VWF: variants seen among roughly 807,000 people sequenced by gnomAD.
VWF encodes von Willebrand factor, also known as Factor VIII related antigen.
Under a neutral mutation model 308.6 loss-of-function variants are expected in VWF, and 176 were observed. The ratio of observed to expected loss-of-function variants is 0.57; its 90% CI spans 0.50 to 0.65. The LOEUF (loss-of-function observed/expected upper bound fraction) is 0.65. VWF is among the 30% of genes least tolerant of loss of function. The pLI, the probability that VWF is intolerant of heterozygous loss-of-function variation, is 0.00. For synonymous variants in VWF, 1,385 were observed against 1,443.4 expected (o/e 0.96, Z 0.92); for missense variants, 3,146 against 3,648.2 (o/e 0.86, Z 3.55).
Position 6,058,144 on chromosome 12 carries a change from C to CG in VWF, c.1534-101dup, listed in dbSNP as rs1944611306. ...TTTTAATAAAAAAAAAAAAGTTCCC[C>CG]GGGTGAAACATAAATATGAATGTAA... On this transcript the variant is annotated intron_variant, in intron 13 of 51. Coordinates refer to ENST00000261405, the MANE Select transcript of VWF (RefSeq NM_000552.5). The surrounding 1 kb of genome is among the most constrained non-coding windows in gnomAD (Gnocchi z 4.9). The CG allele has an allele frequency of 3.1e-6, 4 of 1,278,242 alleles. No individual in the cohort carries two copies. The highest frequency in any genetic ancestry group is 1.5e-5 in the African/African-American group (1 of 65,920). 79.2% of individuals were successfully genotyped at this position (1,278,242 alleles called of 1,614,324 possible). A position where few individuals can be genotyped will look rare whatever the true frequency, so the allele number is the denominator to read the frequency against.
rs73266887 is a variant in VWF, at chr12:6,119,986, G to C, written c.220+1188C>G. On this transcript the variant is annotated intron_variant, in intron 3 of 51. Transcript: ENST00000261405. ...GTGGGAAGGATGGCAGTGCCCAGAA[G>C]TCATATGTGATAAGTTTCCCAGCAG... Among the ~76,000 whole-genome samples the C allele has an allele frequency of 7.2e-3, 1,097 of 152,346 alleles. 13 individuals are homozygous for C. The highest frequency in any genetic ancestry group is 0.024 in the African/African-American group (988 of 41,564).
In VWF at chr12:5,994,295, C is replaced by T. The variant is rs1943782130; in HGVS notation, c.6257-92G>A. The T allele has an allele frequency of 5.7e-6, 9 of 1,590,244 alleles. 1 individual carries two copies. Among genetic ancestry groups the T allele is most frequent in the Middle Eastern group, 1.7e-4 (1 of 6,030 alleles). Reference sequence around the variant, plus strand: ...GAGACAGGCCATTCTTGATCCTCACCAGAATCTGACCCTCGCTACTAGACC... The same window carrying T: ...GAGACAGGCCATTCTTGATCCTCACTAGAATCTGACCCTCGCTACTAGACC... On this transcript the variant is annotated intron_variant, in intron 36 of 51. Transcript: ENST00000261405.
intron 5 of VWF, among the ~76,000 whole-genome samples, chr12:6,100,635 T>A (rs376576977): frequency 6.6e-6 from 1 of 151,790 alleles, no homozygotes; most frequent in Non-Finnish European, 1.5e-5. Flanking sequence ...AGTAAACTAT[T>A]GCAAGGACAA....
chr12:6,096,977 A>G (rs1405195002), intron 5 of VWF, among the ~76,000 whole-genome samples: 1 of 151,968 alleles, frequency 6.6e-6, no homozygotes, highest in Middle Eastern at 3.2e-3. Context: ...TTTGATAGGC[A>G]GAAAAAGATC....
At chr12:6,108,980 CAA>C (rs748182676) in intron 5 of VWF, among the ~76,000 whole-genome samples, 11 of 63,842 alleles carry the variant, frequency 1.7e-4, no homozygotes, top group Admixed American at 3.5e-4. Context: ...GACTCCGTCT[CAA>C]AAAAAAAAAA....
intron 22 of VWF, among the ~76,000 whole-genome samples, chr12:6,026,693 G>C (rs375804033): frequency 6.6e-6 from 1 of 152,156 alleles, no homozygotes; most frequent in Non-Finnish European, 1.5e-5. Context: ...TCTAGTGTTC[G>C]GTAGCACCAC....
At chr12:6,086,054 T>TGC (rs1944968600) in intron 6 of VWF, among the ~76,000 whole-genome samples, 1 of 152,166 alleles carries the variant, frequency 6.6e-6, no homozygotes, top group Non-Finnish European at 1.5e-5. Flanking sequence ...TCTCCCATCC[T>TGC]GCACTCAGGT....
chr12:6,095,538 C>T lies in VWF; in HGVS notation c.579G>A (p.Leu193=). The T allele has an allele frequency of 6.2e-7, 1 of 1,614,162 alleles. No homozygotes were observed. Among genetic ancestry groups the T allele is most frequent in the Non-Finnish European group, 8.5e-7 (1 of 1,180,022 alleles). The change falls in exon 6 of 52, where the codon CTG becomes CTA. Residue 193 remains leucine, a synonymous_variant. Coordinates refer to ENST00000261405, the MANE Select transcript of VWF (RefSeq NM_000552.5). ...DPYDFANSWA[L]SSGEQWCERA... is the part of the protein sequence containing the mutation. The stretch of plus-strand genomic sequence containing the variant: ...GTTCACACCACTGTTCTCCACTGCT[C>T]AGAGCCCATGAGTTGGCAAAGTCAT...
intron 34 of VWF, among the ~76,000 whole-genome samples, chr12:6,000,634 C>A (rs570539934): frequency 2.0e-5 from 3 of 151,136 alleles, no homozygotes; most frequent in Non-Finnish European, 4.4e-5. Flanking sequence ...GGTGAAACCC[C>A]GTCTCTACAA....
At position 5,951,448 on chromosome 12, in the gene VWF, A is replaced by G. The variant is rs550632373; in HGVS notation, c.8155+396T>C. On this transcript the variant is annotated intron_variant, in intron 50 of 51. Transcript: ENST00000261405. ...GTTGAGAGTCTACTCTGTCAGGATC[A>G]TAGATCCAAGGTGCCTGTCTTCAAG... is the stretch of plus-strand genomic sequence containing the variant. 8.5e-5 allele frequency among the ~76,000 whole-genome samples: 13 copies of G among 152,348 alleles called. No homozygotes were observed. The South Asian group carries it at 2.7e-3, about 32-fold the overall frequency.
At chr12:5,968,478 C>T (rs543427954) in intron 45 of VWF, among the ~76,000 whole-genome samples, 4 of 152,216 alleles carry the variant, frequency 2.6e-5, no homozygotes, top group African/African-American at 4.8e-5. Flanking sequence ...AACAATGAAA[C>T]GCTACTCTTG....
Position 6,095,547 on chromosome 12 carries a change from T to C in VWF, c.570A>G (p.Ser190=), listed in dbSNP as rs770301728. 13 of 1,613,904 alleles carry C rather than the reference T, an allele frequency of 8.1e-6. No individual in the cohort carries two copies. Among genetic ancestry groups the C allele is most frequent in the Middle Eastern group, 1.6e-4 (1 of 6,084 alleles). The change falls in exon 6 of 52, where the codon TCA becomes TCG. Residue 190 remains serine, a synonymous_variant. Coordinates refer to ENST00000261405, the MANE Select transcript of VWF (RefSeq NM_000552.5). ...ACTGTTCTCCACTGCTCAGAGCCCA[T>C]GAGTTGGCAAAGTCATAAGGGTCCG... ...LTSDPYDFAN[S]WALSSGEQWC... is the part of the protein sequence containing the mutation.
chr12:6,050,518 T>A (rs1183352319), intron 16 of VWF, among the ~76,000 whole-genome samples: 1 of 152,126 alleles, frequency 6.6e-6, no homozygotes, highest in East Asian at 1.9e-4. Flanking sequence ...GCTCACCCCC[T>A]CACTTCTGAA....
chr12:6,028,468 C>T (rs555572564), intron 22 of VWF, among the ~76,000 whole-genome samples: 2 of 152,038 alleles, frequency 1.3e-5, no homozygotes, highest in Non-Finnish European at 2.9e-5. Context: ...TCAGATTTAC[C>T]AGGTTGAAAT....
In VWF at chr12:5,957,987, G is replaced by A. The variant is rs187373562; in HGVS notation, c.7888-4393C>T. On this transcript the variant is annotated intron_variant, in intron 47 of 51. Coordinates refer to ENST00000261405, the MANE Select transcript of VWF (RefSeq NM_000552.5). The stretch of plus-strand genomic sequence containing the variant: ...AATGTACAAATTATGGAAAAAGTAC[G>A]TTGTACATGAAATGTTATATTATTC... Among the ~76,000 whole-genome samples the A allele has an allele frequency of 1.1e-4, 17 of 152,204 alleles. No homozygotes were observed. In the East Asian group the frequency reaches 3.1e-3, roughly 28 times the overall value.
At position 6,019,454 on chromosome 12, in the gene VWF, G is replaced by C; in HGVS notation, c.3964C>G (p.His1322Asp). Residue 1322 changes from histidine to aspartate, a missense_variant, in exon 28 of 52, where the codon CAC (histidine) becomes GAC (aspartate). This residue lies in a region of VWF where 853 missense variants were observed against 1,177.8 expected (regional missense o/e 0.72). Coordinates refer to ENST00000261405, the MANE Select transcript of VWF (RefSeq NM_000552.5). The surrounding 1 kb of genome is among the most constrained non-coding windows in gnomAD (Gnocchi z 5.8). ...KWVRVAVVEY[H>D]DGSHAYIGLK... ...CCGATGTAGGCGTGGGAGCCGTCGT[G>C]GTACTCCACCACGGCCACGCGGACC... 3 of 1,613,902 alleles carry C rather than the reference G, an allele frequency of 1.9e-6. No homozygotes were observed. Among genetic ancestry groups the C allele is most frequent in the Non-Finnish European group, 2.5e-6 (3 of 1,179,842 alleles).
chr12:6,053,506 C>A (rs550088469), intron 15 of VWF, among the ~76,000 whole-genome samples: 1 of 152,180 alleles, frequency 6.6e-6, no homozygotes, highest in East Asian at 1.9e-4. Context: ...CCTACCACAG[C>A]GAAATGGGCT....
chr12:5,967,266 G>A (rs548738288), intron 47 of VWF, among the ~76,000 whole-genome samples: 6 of 152,296 alleles, frequency 3.9e-5, no homozygotes, highest in Non-Finnish European at 7.3e-5. Flanking sequence ...GAAAACTCAG[G>A]AAGAAAATGT....
At chr12:6,029,541 C>T in intron 21 of VWF, 53 bp from the exon 22 acceptor site, 1 of 1,606,862 alleles carries the variant, frequency 6.2e-7, no homozygotes, top group South Asian at 1.1e-5. Flanking sequence ...GGCTCGACAG[C>T]CAGATCCTCC....
Sources: allele counts gnomAD v4.1 joint callset (sites outside exome capture counted in the v4.1 genomes callset), GRCh38; gene constraint gnomAD v4.1.1; regional missense constraint gnomAD v4.1.1; non-coding constraint Gnocchi (gnomAD v3.1); transcripts MANE v1.5; gene names NCBI Gene and HGNC (gene_info 2026-07-23, HGNC 2026-07-21).